MROH1: variants seen among roughly 807,000 people sequenced by gnomAD.
The protein encoded by MROH1 is maestro heat like repeat family member 1, also known as maestro heat-like repeat-containing protein family member 1.
MROH1 carries 117 observed loss-of-function variants against 116.5 expected under a neutral mutation model. That is an observed-to-expected ratio of 1.00 (90% CI 0.86 to 1.17). The LOEUF is 1.17. Among genes scored for constraint, MROH1 ranks in the 50% most tolerant of loss-of-function variants. The pLI is 0.00. For synonymous variants in MROH1, 921 were observed against 583.9 expected (o/e 1.58, Z -8.32); for missense variants, 1,873 against 1,338.5 (o/e 1.40, Z -6.23).
intron 14 of MROH1, among the ~76,000 whole-genome samples, chr8:144,223,450 A>C (rs1381211173): frequency 6.6e-6 from 1 of 151,966 alleles, no homozygotes; most frequent in Non-Finnish European, 1.5e-5. Flanking sequence ...ATCATAGCAC[A>C]CTGCAGCCTG....
intron 12 of MROH1, chr8:144,213,032 G>A: frequency 1.3e-6 from 1 of 779,638 alleles, no homozygotes; most frequent in Middle Eastern, 2.3e-4. Flanking sequence ...GTTGCCATCA[G>A]CAGTCACACG....
At chr8:144,215,191 C>T (rs1231782136) in intron 12 of MROH1, among the ~76,000 whole-genome samples, 3 of 152,222 alleles carry the variant, frequency 2.0e-5, no homozygotes, top group South Asian at 2.1e-4. Context: ...TATCAACCAT[C>T]AAACTTTTTA....
rs182339342 is a variant in MROH1 at position 144,175,287 on chromosome 8, C to A, written c.169-4168C>A. ...AAATGCCCTGCTGCACCCAAGCTGC[C>A]CCTCCCAGCAACGGGTCCAGTCGGA... is the stretch of plus-strand genomic sequence containing the variant. On this transcript the variant is annotated intron_variant, in intron 4 of 43. Transcript: ENST00000326134. The A allele has an allele frequency of 9.1e-6, 5 of 551,208 alleles. No individual in the cohort carries two copies. In the Admixed American group the frequency reaches 3.2e-4, roughly 36 times the overall value. 34.1% of individuals were successfully genotyped at this position (551,208 alleles called of 1,614,324 possible).
At chr8:144,162,377 G>A (rs1336616870) in intron 2 of MROH1, among the ~76,000 whole-genome samples, 2 of 151,158 alleles carry the variant, frequency 1.3e-5, no homozygotes, top group African/African-American at 4.9e-5. Context: ...ATGAGCCACT[G>A]CGCCCGGCCC....
In MROH1 at chr8:144,163,069, C is replaced by T. The variant is rs56803860; in HGVS notation, c.-56-702C>T. Among the ~76,000 whole-genome samples, 5,309 of 152,260 alleles carry T rather than the reference C, an allele frequency of 0.035. 329 individuals are homozygous for T. The highest frequency in any genetic ancestry group is 0.12 in the African/African-American group (5,052 of 41,526). On this transcript the variant is annotated intron_variant, in intron 2 of 43. Coordinates refer to ENST00000326134, the MANE Select transcript of MROH1 (RefSeq NM_032450.3). This position sits in a 1 kb window ranked among gnomAD's most constrained non-coding sequence, Gnocchi z 4.4. ...TCGCCTCCAACCCATGTGTGCACAGCGCAGGGAGGTGTCCTGGCTGGTCAG... is the reference window on the plus strand; with the variant it reads ...TCGCCTCCAACCCATGTGTGCACAGTGCAGGGAGGTGTCCTGGCTGGTCAG...
chr8:144,207,166 G>A (rs1156452398), intron 12 of MROH1, among the ~76,000 whole-genome samples: 1 of 149,064 alleles, frequency 6.7e-6, no homozygotes, highest in African/African-American at 2.4e-5. Context: ...TCCTTTTCAA[G>A]TCTTTTTTTT....
In MROH1 at chr8:144,211,726, C is replaced by CA. The variant is rs74429626; in HGVS notation, c.1142-8860dup. Among the ~76,000 whole-genome samples, 381 of 114,706 alleles carry CA rather than the reference C, an allele frequency of 3.3e-3. 3 individuals are homozygous for CA. Among genetic ancestry groups the CA allele is most frequent in the Middle Eastern group, 0.015 (3 of 204 alleles). 75.3% of individuals were successfully genotyped at this position (114,706 alleles called of 152,430 possible). On this transcript the variant is annotated intron_variant, in intron 12 of 43. Coordinates refer to ENST00000326134, the MANE Select transcript of MROH1 (RefSeq NM_032450.3). ...GTGCGACAAGAGTGAAATTCCATCTCAAAAAAAAAAAAAAGAAAAAGAAAG... is the reference window on the plus strand; with the variant it reads ...GTGCGACAAGAGTGAAATTCCATCTCAAAAAAAAAAAAAAAGAAAAAGAAAG...
chr8:144,180,267 G>A lies in MROH1; in HGVS notation c.390G>A (p.Leu130=), dbSNP rs1471357719. The A allele has an allele frequency of 6.2e-7, 1 of 1,611,556 alleles. No individual in the cohort carries two copies. Among genetic ancestry groups the A allele is most frequent in the Admixed American group, 1.7e-5 (1 of 60,020 alleles). ...TCAGCAAGGTGATGGAGGAGCTGCT[G>A]CGCAGGCTGCACCCTGGGACCCTGC... ...QFISKVMEEL[L]RRLHPGTLPH... Residue 130 remains leucine (L), a synonymous_variant, in exon 6 of 44, where the codon CTG becomes CTA. Transcript: ENST00000326134. This position sits in a 1 kb window ranked among gnomAD's most constrained non-coding sequence, Gnocchi z 7.4.
At chr8:144,172,562 C>T (rs1209432522) in intron 4 of MROH1, among the ~76,000 whole-genome samples, 1 of 152,044 alleles carries the variant, frequency 6.6e-6, no homozygotes. Context: ...CAGACGCGTG[C>T]CACCACACCA....
At chr8:144,258,750 C>G in intron 35 of MROH1, 27 bp from the exon 36 acceptor site, 1 of 756,794 alleles carries the variant, frequency 1.3e-6, no homozygotes, top group South Asian at 1.4e-5. Context: ...TGTGCCCTAC[C>G]AGCTGAGCAC....
chr8:144,259,764 G>A (rs571888035), intron 37 of MROH1, 147 bp from the exon 38 acceptor site: 59 of 681,776 alleles, frequency 8.7e-5, no homozygotes, highest in Admixed American at 5.7e-4. Context: ...GGGAGGGGTC[G>A]CCACTGATCG....
At chr8:144,158,747 T>C (rs1449478798) in intron 1 of MROH1, among the ~76,000 whole-genome samples, 1 of 151,952 alleles carries the variant, frequency 6.6e-6, no homozygotes, top group East Asian at 1.9e-4. Flanking sequence ...TACACTTTTT[T>C]TTTTTTAATT....
chr8:144,165,418 C>T (rs530713879), intron 3 of MROH1, among the ~76,000 whole-genome samples: 1 of 152,102 alleles, frequency 6.6e-6, no homozygotes, highest in Admixed American at 6.6e-5. Context: ...CGCGCACAGC[C>T]CACACCCAGC....
At chr8:144,193,452 C>G (rs985672045) in intron 10 of MROH1, among the ~76,000 whole-genome samples, 2 of 152,112 alleles carry the variant, frequency 1.3e-5, no homozygotes, top group African/African-American at 4.8e-5. Context: ...CCAGAGCTAC[C>G]TCTTTCATTC....
chr8:144,252,008 C>T (rs1001759636), intron 33 of MROH1: 3 of 227,198 alleles, frequency 1.3e-5, no homozygotes, highest in Non-Finnish European at 2.6e-5. Context: ...TGCTGCTGCC[C>T]ATCCTTTCTC....
intron 33 of MROH1, among the ~76,000 whole-genome samples, chr8:144,253,559 C>A (rs1843192683): frequency 1.3e-5 from 2 of 152,200 alleles, no homozygotes; most frequent in African/African-American, 4.8e-5. Flanking sequence ...GCCACCGCGT[C>A]CTTGCTGGCG....
In MROH1 at chr8:144,177,857, G is replaced by A. The variant is rs139117670; in HGVS notation, c.169-1598G>A. Among the ~76,000 whole-genome samples, 1,128 of 152,146 alleles carry A rather than the reference G, an allele frequency of 7.4e-3. 13 individuals are homozygous for A. The highest frequency in any genetic ancestry group is 0.025 in the African/African-American group (1,039 of 41,492). On this transcript the variant is annotated intron_variant, in intron 4 of 43. Transcript: ENST00000326134. ...CTGCTTCTGCTTCATTTTCCACCAC[G>A]ATTGTGTTTTCCTGAGGCCTCCCCA...
chr8:144,154,092 C>T (rs1430170671), intron 1 of MROH1, among the ~76,000 whole-genome samples: 1 of 141,602 alleles, frequency 7.1e-6, no homozygotes, highest in African/African-American at 2.6e-5. Context: ...TGAGATGGAG[C>T]CTGGCTCTGT....
chr8:144,196,863 G>A (rs1377654544), intron 10 of MROH1, among the ~76,000 whole-genome samples: 3 of 3,364 alleles, frequency 8.9e-4, no homozygotes, highest in South Asian at 0.17. Flanking sequence ...TTGGGAGACC[G>A]AGGCGGTGGA....
Sources: gnomAD v4.1 joint callset for allele counts (sites outside exome capture counted in the v4.1 genomes callset) on GRCh38, gnomAD v4.1.1 for gene constraint, Gnocchi (gnomAD v3.1) non-coding constraint, MANE v1.5 for transcripts, NCBI Gene and HGNC (gene_info 2026-07-23, HGNC 2026-07-21) for gene names.